The following SYMPK variants were observed in gnomAD, a reference collection of about 807,000 sequenced individuals.
SYMPK encodes symplekin scaffold protein, also known as symplekin.
Under a neutral mutation model 136.4 loss-of-function variants are expected in SYMPK, and 49 were observed. The observed-to-expected ratio is 0.36, with a 90% CI of 0.29 to 0.46. The LOEUF (loss-of-function observed/expected upper bound fraction) is 0.46. Ranked by LOEUF, SYMPK falls within the 20% of genes least tolerant of loss-of-function variation. The probability of loss-of-function intolerance (pLI) is 1.00; values close to 1 mark genes in which losing one functional copy is unlikely to be tolerated. For missense variants in SYMPK, 1,365 were observed against 1,690.0 expected (o/e 0.81, Z 3.37); for synonymous variants, 766 against 713.0 (o/e 1.07, Z -1.19).
Position 45,831,409 on chromosome 19 carries a change from G to C in SYMPK, c.1573C>G (p.Pro525Ala), listed in dbSNP as rs1461759043. The change falls in exon 12 of 27, where the codon CCC becomes GCC. Residue 525 changes from proline to alanine, a missense_variant. Coordinates refer to ENST00000245934, the MANE Select transcript of SYMPK (RefSeq NM_004819.3). ...EAPQAKRRPE[P>A]IIPVTQPRLA... is the part of the protein sequence containing the mutation. Reference sequence around the variant, plus strand: ...CGGGGCTGAGTGACAGGGATAATGGGCTCTGGCCTCCTCTTGGCCTGCGGT... The same window carrying C: ...CGGGGCTGAGTGACAGGGATAATGGCCTCTGGCCTCCTCTTGGCCTGCGGT... 3.8e-6 allele frequency: 6 copies of C among 1,587,332 alleles called. 1 individual carries two copies. Among genetic ancestry groups the C allele is most frequent in the Middle Eastern group, 3.4e-4 (2 of 5,894 alleles).
chr19:45,821,344 G>T lies in SYMPK; in HGVS notation c.2893+40C>A. On this transcript the variant is annotated intron_variant, in intron 22 of 26. Transcript: ENST00000245934. The surrounding 1 kb of genome is among the most constrained non-coding windows in gnomAD (Gnocchi z 4.4). Reference sequence around the variant, plus strand: ...GTGACTGAGGTCCTGCCCTGGCGTCGCAGGGGCCAGGCCACTGGAGTGGGG... The same window carrying T: ...GTGACTGAGGTCCTGCCCTGGCGTCTCAGGGGCCAGGCCACTGGAGTGGGG... The T allele has an allele frequency of 6.7e-7, 1 of 1,491,734 alleles. No homozygotes were observed. Among genetic ancestry groups the T allele is most frequent in the Non-Finnish European group, 9.3e-7 (1 of 1,070,064 alleles). The allele number at this position is 1,491,734 out of a possible 1,614,324, so 92.4% of individuals were successfully genotyped here.
intron 7 of SYMPK, among the ~76,000 whole-genome samples, chr19:45,845,347 A>G (rs1971535282): frequency 6.6e-6 from 1 of 151,440 alleles, no homozygotes. Context: ...TTCCTCCCCA[A>G]CCGCCCATTA....
At chr19:45,834,384 G>C (rs1282079649) in intron 11 of SYMPK, among the ~76,000 whole-genome samples, 1 of 151,912 alleles carries the variant, frequency 6.6e-6, no homozygotes, top group African/African-American at 2.4e-5. Context: ...ATTTGAACTT[G>C]GGAGGCAGAG....
chr19:45,827,773 C>T lies in SYMPK; in HGVS notation c.2067+64G>A. 3.2e-6 allele frequency: 5 copies of T among 1,559,520 alleles called. No individual in the cohort carries two copies. The South Asian group carries it at 5.6e-5, about 17-fold the overall frequency. ...CACAAGGTTTAGACTGTGTGCCCTT[C>T]AGACCCCTCAGGGCAGGGCCCTGTC... On this transcript the variant is annotated intron_variant, in intron 15 of 26. Coordinates refer to ENST00000245934, the MANE Select transcript of SYMPK (RefSeq NM_004819.3).
chr19:45,818,254 C>T, intron 22 of SYMPK, 108 bp from the exon 23 acceptor site: 1 of 1,202,408 alleles, frequency 8.3e-7, no homozygotes. Flanking sequence ...CTTCTAAAGC[C>T]CTGACTTCTA....
At chr19:45,827,992 G>A (rs1233266462) in intron 14 of SYMPK, 74 bp from the exon 15 acceptor site, 6 of 1,395,498 alleles carry the variant, frequency 4.3e-6, no homozygotes, top group Non-Finnish European at 6.1e-6. Context: ...CTGAATTGTA[G>A]GAGCTCAGGG....
chr19:45,840,124 C>A (rs547974264), intron 9 of SYMPK, among the ~76,000 whole-genome samples: 2 of 151,570 alleles, frequency 1.3e-5, no homozygotes, highest in Non-Finnish European at 2.9e-5. Context: ...ACCAGCCTGG[C>A]CAACATGGTG....
At chr19:45,816,752 A>G (rs1312000991) in intron 24 of SYMPK, 46 bp downstream of exon 24, 7 of 1,480,682 alleles carry the variant, frequency 4.7e-6, no homozygotes, top group South Asian at 1.3e-5. Flanking sequence ...CGCCCACCGC[A>G]CACCCTGGGT....
Position 45,843,347 on chromosome 19 carries a change from C to G in SYMPK, c.847+683G>C, listed in dbSNP as rs1971486732. ...CGACCTGTACGCATTCATACCCCAA[C>G]CCCAGACTTCTCGGTTTTCGTTTCA... is the stretch of plus-strand genomic sequence containing the variant. On this transcript the variant is annotated intron_variant, in intron 8 of 26. Transcript: ENST00000245934. Among the ~76,000 whole-genome samples the G allele has an allele frequency of 2.0e-5, 3 of 152,270 alleles. No individual in the cohort carries two copies. In the South Asian group the frequency reaches 6.2e-4, roughly 32 times the overall value.
intron 9 of SYMPK, among the ~76,000 whole-genome samples, chr19:45,839,742 G>C (rs187925698): frequency 6.6e-6 from 1 of 152,204 alleles, no homozygotes; most frequent in African/African-American, 2.4e-5. Context: ...TGAGGCAGGA[G>C]AATGGTGTGA....
At chr19:45,854,879 C>CTTTT (rs35065812) in intron 1 of SYMPK, 9 of 153,336 alleles carry the variant, frequency 5.9e-5, no homozygotes, top group Admixed American at 2.0e-4. Flanking sequence ...AGCAAACTTT[C>CTTTT]TTTTTTTTTT....
At chr19:45,829,570 G>GA (rs1386337375) in intron 13 of SYMPK, among the ~76,000 whole-genome samples, 1 of 152,178 alleles carries the variant, frequency 6.6e-6, no homozygotes, top group Admixed American at 6.5e-5. Flanking sequence ...GGATTCCCCG[G>GA]AAATATTTTT....
intron 10 of SYMPK, among the ~76,000 whole-genome samples, chr19:45,837,209 G>A (rs892575390): frequency 6.6e-6 from 1 of 152,114 alleles, no homozygotes; most frequent in African/African-American, 2.4e-5. Context: ...AACAGAAAAG[G>A]GGCACATTAC....
intron 14 of SYMPK, 64 bp from the exon 15 acceptor site, chr19:45,827,982 C>A: frequency 3.3e-6 from 5 of 1,514,066 alleles, no homozygotes; most frequent in Admixed American, 1.7e-5. Flanking sequence ...CCGGGCCCTG[C>A]TGAATTGTAG....
At chr19:45,852,416 G>A in intron 4 of SYMPK, 31 bp from the exon 5 acceptor site, 1 of 1,614,112 alleles carries the variant, frequency 6.2e-7, no homozygotes, top group Non-Finnish European at 8.5e-7. Context: ...GTGGATCAGG[G>A]CTACACAAGG....
intron 7 of SYMPK, 97 bp from the exon 8 acceptor site, chr19:45,844,297 A>C: frequency 1.0e-6 from 1 of 966,052 alleles, no homozygotes; most frequent in Non-Finnish European, 1.5e-6. Context: ...AGATCCTGGT[A>C]CCTAGATGTC....
chr19:45,857,525 A>T (rs1054163748), intron 1 of SYMPK, among the ~76,000 whole-genome samples: 2 of 150,592 alleles, frequency 1.3e-5, no homozygotes, highest in Middle Eastern at 3.5e-3. Context: ...GGAGTCTTGC[A>T]CTGTCGCCCA....
At chr19:45,822,609 C>T (rs1013347715) in intron 21 of SYMPK, 147 bp downstream of exon 21, 101 of 648,676 alleles carry the variant, frequency 1.6e-4, no homozygotes, top group Non-Finnish European at 2.5e-4. Flanking sequence ...CTGGGAGCTC[C>T]GGGACACATG....
Position 45,815,511 on chromosome 19 carries a change from T to TGCCCC in SYMPK, c.*48_*49insGGGGC. ...CACCCGCAGGTCAAGCCCCGCCCCG[T>TGCCCC]CCCCCAGCCCCGAGTCCCTGTCCCA... On this transcript the variant is annotated 3_prime_UTR_variant, in exon 27 of 27. Coordinates refer to ENST00000245934, the MANE Select transcript of SYMPK (RefSeq NM_004819.3). 2.0e-6 allele frequency: 2 copies of TGCCCC among 1,012,778 alleles called. No homozygotes were observed. Among genetic ancestry groups the TGCCCC allele is most frequent in the African/African-American group, 1.6e-5 (1 of 61,542 alleles). The allele number at this position is 1,012,778 out of a possible 1,614,324, so 62.7% of individuals were successfully genotyped here. A position where few individuals can be genotyped will look rare whatever the true frequency, so the allele number is the denominator to read the frequency against.
Sources: gnomAD v4.1 joint callset for allele counts (sites outside exome capture counted in the v4.1 genomes callset) on GRCh38, gnomAD v4.1.1 for gene constraint, Gnocchi (gnomAD v3.1) non-coding constraint, MANE v1.5 for transcripts, NCBI Gene and HGNC (gene_info 2026-07-23, HGNC 2026-07-21) for gene names.